Variants in CASP2 observed in about 807,000 individuals in gnomAD.
CASP2 encodes caspase 2.
CASP2 carries 38 observed loss-of-function variants against 54.4 expected under a neutral mutation model. The observed-to-expected ratio is 0.70, with a 90% CI of 0.54 to 0.92. The LOEUF is 0.92. CASP2 is among the 40% of genes least tolerant of loss of function. The probability of loss-of-function intolerance (pLI) is 0.00; values close to 1 mark genes in which losing one functional copy is unlikely to be tolerated. For synonymous variants in CASP2, 215 were observed against 216.3 expected (o/e 0.99, Z 0.05); for missense variants, 512 against 579.6 (o/e 0.88, Z 1.20).
rs779646871 is a variant in CASP2 at position 143,300,312 on chromosome 7, C to T, written c.967+18C>T. ...CCGTGGAGGTGAGTGCCCTAGCAGA[C>T]CAGCACCTGGGTGGTGGCTCCTGGG... is the stretch of plus-strand genomic sequence containing the variant. On this transcript the variant is annotated intron_variant, in intron 8 of 10. Coordinates refer to ENST00000310447, the MANE Select transcript of CASP2 (RefSeq NM_032982.4). The T allele has an allele frequency of 1.2e-6, 2 of 1,612,746 alleles. No individual in the cohort carries two copies. Among genetic ancestry groups the T allele is most frequent in the Non-Finnish European group, 1.7e-6 (2 of 1,179,704 alleles).
Position 143,291,624 on chromosome 7 carries a change from G to A in CASP2, c.159G>A (p.Leu53=), listed in dbSNP as rs781452658. 3 of 1,614,010 alleles carry A rather than the reference G, an allele frequency of 1.9e-6. No individual in the cohort carries two copies. The highest frequency in any genetic ancestry group is 1.7e-5 in the Admixed American group (1 of 59,996). The change falls in exon 2 of 11, where the codon TTG becomes TTA. Residue 53 remains leucine (L), a synonymous_variant. Transcript: ENST00000310447. ...NRVVLAKQLL[L]SELLEHLLEK... ...TGGTGCTAGCCAAACAGCTGTTGTT[G>A]AGCGAATTGTTAGAACATCTTCTGG... is the stretch of plus-strand genomic sequence containing the variant.
intron 8 of CASP2, chr7:143,301,945 A>AG (rs2116800404): frequency 6.6e-6 from 1 of 152,328 alleles, no homozygotes; most frequent in Admixed American, 6.5e-5. Context: ...GTTGCCATGG[A>AG]GGGGGCTGCA....
At chr7:143,300,889 G>A (rs1367545316) in intron 8 of CASP2, 5 of 1,065,802 alleles carry the variant, frequency 4.7e-6, no homozygotes, top group Non-Finnish European at 5.7e-6. Flanking sequence ...ACTCCTTTAA[G>A]AGCCAGGACT....
chr7:143,294,282 G>A lies in CASP2; in HGVS notation c.528G>A (p.Val176=). ...AAGATGGTCCTGTCTGCCTTCAGGT[G>A]AAGCCTTGCACTCCTGAATTTTATC... ...DNKDGPVCLQ[V]KPCTPEFYQT... The change falls in exon 5 of 11, where the codon GTG becomes GTA. Residue 176 remains valine (V), a synonymous_variant. Transcript: ENST00000310447. 6.2e-7 allele frequency: 1 copy of A among 1,612,842 alleles called. No individual in the cohort carries two copies. Among genetic ancestry groups the A allele is most frequent in the Non-Finnish European group, 8.5e-7 (1 of 1,178,836 alleles).
chr7:143,288,407 T>C lies in CASP2; in HGVS notation c.-49T>C, dbSNP rs758148968. 27 of 1,584,840 alleles carry C rather than the reference T, an allele frequency of 1.7e-5. No individual in the cohort carries two copies. The highest frequency in any genetic ancestry group is 2.3e-5 in the Non-Finnish European group (27 of 1,156,648). On this transcript the variant is annotated 5_prime_UTR_variant, in exon 1 of 11. Transcript: ENST00000310447. ...GTGGGGGAAGCGACGGCCCCCGGTT[T>C]GTTTGGGCTGTGGGCGGTGCGCAGC...
chr7:143,288,592 G>C lies in CASP2; in HGVS notation c.74+63G>C. On this transcript the variant is annotated intron_variant, in intron 1 of 10. Coordinates refer to ENST00000310447, the MANE Select transcript of CASP2 (RefSeq NM_032982.4). ...CCAGGGAAGGGGAGCGTGGCCCCCA[G>C]GCGTGCGGCCCTGCAGCCCCCTCCC... The C allele has an allele frequency of 2.8e-6, 4 of 1,444,476 alleles. No homozygotes were observed. The South Asian group carries it at 4.7e-5, about 17-fold the overall frequency. 89.5% of individuals were successfully genotyped at this position (1,444,476 alleles called of 1,614,324 possible). A position where few individuals can be genotyped will look rare whatever the true frequency, so the allele number is the denominator to read the frequency against.
intron 8 of CASP2, chr7:143,303,101 TAAAA>T (rs1390245713): frequency 2.0e-5 from 3 of 150,076 alleles, no homozygotes; most frequent in Non-Finnish European, 4.4e-5. Context: ...CCATCTCTAT[TAAAA>T]AAAGAAAAAA....
Position 143,294,321 on chromosome 7 carries a change from G to C in CASP2, c.567G>C (p.Gln189His). The C allele has an allele frequency of 6.2e-7, 1 of 1,602,768 alleles. No individual in the cohort carries two copies. The highest frequency in any genetic ancestry group is 8.5e-7 in the Non-Finnish European group (1 of 1,169,840). Residue 189 changes from glutamine to histidine, a missense_variant, in exon 5 of 11, where the codon CAG becomes CAC. Physicochemically the swap from Gln to His is conservative, Grantham distance 24. Around this residue, in one of 3 missense-constraint regions of CASP2, gnomAD observed 417 missense variants for 495.4 expected, o/e 0.84. Transcript: ENST00000310447. Reference protein sequence around the residue: ...CTPEFYQTHFQLAYRLQSRPR... With the variant: ...CTPEFYQTHFHLAYRLQSRPR... Reference sequence around the variant, plus strand: ...CTGAATTTTATCAAACACACTTCCAGCTGGTGAGTTTTTGCATAATGACAA... The same window carrying C: ...CTGAATTTTATCAAACACACTTCCACCTGGTGAGTTTTTGCATAATGACAA...
intron 4 of CASP2, among the ~76,000 whole-genome samples, chr7:143,293,397 G>A (rs1317752747): frequency 3.3e-5 from 5 of 152,078 alleles, no homozygotes; most frequent in African/African-American, 1.2e-4. Flanking sequence ...CAAAGTGCTG[G>A]GATTATAGGC....
rs745836134 is a variant in CASP2, at chr7:143,294,674, G to A, written c.648G>A (p.Leu216=). 1 of 1,614,178 alleles carries A rather than the reference G, an allele frequency of 6.2e-7. No individual in the cohort carries two copies. The highest frequency in any genetic ancestry group is 8.5e-7 in the Non-Finnish European group (1 of 1,180,028). The change falls in exon 6 of 11, where the codon CTG becomes CTA. Residue 216 remains leucine, a synonymous_variant. Coordinates refer to ENST00000310447, the MANE Select transcript of CASP2 (RefSeq NM_032982.4). ...TGCACTTCACTGGAGAGAAAGAACT[G>A]GAATTTCGCTCTGGAGGGGATGTGG... ...SNVHFTGEKE[L]EFRSGGDVDH...
At chr7:143,304,371 C>T (rs963305381) in intron 9 of CASP2, among the ~76,000 whole-genome samples, 6 of 152,200 alleles carry the variant, frequency 3.9e-5, no homozygotes, top group Admixed American at 2.6e-4. Flanking sequence ...ATGTTTTAGA[C>T]ATAATGTTGT....
In CASP2 at chr7:143,294,767, T is replaced by G. The variant is rs1801692755; in HGVS notation, c.741T>G (p.Thr247=). The change falls in exon 6 of 11, where the codon ACT becomes ACG. Residue 247 remains threonine, a synonymous_variant. Transcript: ENST00000310447. ...GYDVHVLCDQ[T]AQEMQEKLQN... ...ACGTCCATGTTCTATGTGACCAGAC[T>G]GCACAGGTACCTGAGGTGGGAAAAA... 6.2e-7 allele frequency: 1 copy of G among 1,613,986 alleles called. No individual in the cohort carries two copies. The highest frequency in any genetic ancestry group is 8.5e-7 in the Non-Finnish European group (1 of 1,179,868).
At chr7:143,293,015 A>T in intron 4 of CASP2, 1 of 588,096 alleles carries the variant, frequency 1.7e-6, no homozygotes, top group South Asian at 2.2e-5. Context: ...AGTCTCAAAA[A>T]ATAAAATAAA....
rs1801440929 is a variant in CASP2 at position 143,288,382 on chromosome 7, G to A, written c.-74G>A. On this transcript the variant is annotated 5_prime_UTR_variant, in exon 1 of 11. The change creates a new upstream start codon in the 5' untranslated region. Transcript: ENST00000310447. ...TGCGTCCGCGTCTGAGGGGAGGGATGTGGGGGAAGCGACGGCCCCCGGTTT... is the reference window on the plus strand; with the variant it reads ...TGCGTCCGCGTCTGAGGGGAGGGATATGGGGGAAGCGACGGCCCCCGGTTT... The A allele has an allele frequency of 6.1e-6, 9 of 1,466,886 alleles. No homozygotes were observed. In the South Asian group the frequency reaches 8.2e-5, roughly 13 times the overall value. The allele number at this position is 1,466,886 out of a possible 1,614,324, so 90.9% of individuals were successfully genotyped here.
intron 6 of CASP2, among the ~76,000 whole-genome samples, chr7:143,296,249 T>G (rs1384928613): frequency 2.0e-5 from 3 of 152,218 alleles, no homozygotes; most frequent in African/African-American, 7.2e-5. Flanking sequence ...TTCTAATTCT[T>G]TGGTTGAATT....
intron 4 of CASP2, 138 bp downstream of exon 4, chr7:143,292,836 C>A: frequency 1.4e-6 from 1 of 713,894 alleles, no homozygotes; most frequent in South Asian, 1.5e-5. Flanking sequence ...CATGGTGAAA[C>A]CCCGTCTCTA....
Position 143,305,002 on chromosome 7 carries a change from G to A in CASP2, c.1290G>A (p.Lys430=). 6.2e-7 allele frequency: 1 copy of A among 1,614,218 alleles called. No individual in the cohort carries two copies. Among genetic ancestry groups the A allele is most frequent in the Non-Finnish European group, 8.5e-7 (1 of 1,180,032 alleles). ...YAPGTEFHRC[K]EMSEYCSTLC... ...CTGGCACAGAATTCCACCGGTGCAA[G>A]GAGATGTCTGAATACTGCAGCACTC... Residue 430 remains lysine, a synonymous_variant, in exon 11 of 11, where the codon AAG becomes AAA. Transcript: ENST00000310447.
rs1306885616 is a variant in CASP2 at position 143,293,115 on chromosome 7, T to G, written c.475+417T>G. 177 of 118,982 alleles carry G rather than the reference T, an allele frequency of 1.5e-3. No individual in the cohort carries two copies. In the African/African-American group the frequency reaches 0.022, roughly 15 times the overall value. The allele number at this position is 118,982 out of a possible 1,614,324, so 7.4% of individuals were successfully genotyped here. ...GTCCTAACATGAGCCCTTTTTTTTG[T>G]TTTTTTTTTTTTTTGTTGTGTTTTT... On this transcript the variant is annotated intron_variant, in intron 4 of 10. Transcript: ENST00000310447.
chr7:143,289,313 A>G (rs2116756193), intron 1 of CASP2, among the ~76,000 whole-genome samples: 1 of 152,348 alleles, frequency 6.6e-6, no homozygotes, highest in African/African-American at 2.4e-5. Context: ...TAAGACTCTC[A>G]TACTACAGAG....
Sources: allele counts gnomAD v4.1 joint callset (sites outside exome capture counted in the v4.1 genomes callset), GRCh38; gene constraint gnomAD v4.1.1; regional missense constraint gnomAD v4.1.1; transcripts MANE v1.5; gene names NCBI Gene and HGNC (gene_info 2026-07-23, HGNC 2026-07-21).